MAP2K1: variants seen among roughly 807,000 people sequenced by gnomAD.
MAP2K1 encodes dual specificity mitogen-activated protein kinase kinase 1.
In MAP2K1, 16 loss-of-function variants were observed where a neutral mutation model predicts 46.3. The ratio of observed to expected loss-of-function variants is 0.35; its 90% CI spans 0.23 to 0.52. The LOEUF (loss-of-function observed/expected upper bound fraction) is 0.52, where lower values mean the gene tolerates loss of function less well. MAP2K1 is among the 20% of genes least tolerant of loss of function. The pLI, the probability that MAP2K1 is intolerant of heterozygous loss-of-function variation, is 0.94. For missense variants in MAP2K1, 263 were observed against 497.1 expected (o/e 0.53, Z 4.48); for synonymous variants, 183 against 185.6 (o/e 0.99, Z 0.11).
At chr15:66,436,070 A>C (rs2093487320) in intron 2 of MAP2K1, among the ~76,000 whole-genome samples, 1 of 151,846 alleles carries the variant, frequency 6.6e-6, no homozygotes, top group South Asian at 2.1e-4. Context: ...TGTGCCCATA[A>C]TTTTTTTGTG....
At chr15:66,422,477 G>T (rs953011704) in intron 1 of MAP2K1, among the ~76,000 whole-genome samples, 1 of 152,176 alleles carries the variant, frequency 6.6e-6, no homozygotes, top group Non-Finnish European at 1.5e-5. Context: ...AACTACATGG[G>T]ATTGAGTGGA....
chr15:66,391,433 C>T lies in MAP2K1; in HGVS notation c.80+4006C>T, dbSNP rs983821919. Among the ~76,000 whole-genome samples the T allele has an allele frequency of 7.2e-5, 11 of 152,262 alleles. No individual in the cohort carries two copies. The East Asian group carries it at 1.5e-3, about 21-fold the overall frequency. ...CCTCCCAAGTAGCTGGGACTACAGG[C>T]GCCCACCACTGCGTCCAGCTAATTT... On this transcript the variant is annotated intron_variant, in intron 1 of 10. Coordinates refer to ENST00000307102, the MANE Select transcript of MAP2K1 (RefSeq NM_002755.4).
At chr15:66,432,554 G>A (rs1369140937) in intron 1 of MAP2K1, among the ~76,000 whole-genome samples, 1 of 152,222 alleles carries the variant, frequency 6.6e-6, no homozygotes, top group Non-Finnish European at 1.5e-5. Context: ...ATGTGCAGGG[G>A]AGACAGGATT....
At chr15:66,409,404 A>T (rs931268170) in intron 1 of MAP2K1, among the ~76,000 whole-genome samples, 1 of 152,108 alleles carries the variant, frequency 6.6e-6, no homozygotes, top group African/African-American at 2.4e-5. Context: ...TTTGGGCCGG[A>T]TGGATCTGGG....
In MAP2K1 at chr15:66,462,496, C is replaced by CAAAA. The variant is rs551065737; in HGVS notation, c.568+17806_568+17809dup. On this transcript the variant is annotated intron_variant, in intron 5 of 10. Coordinates refer to ENST00000307102, the MANE Select transcript of MAP2K1 (RefSeq NM_002755.4). ...TGGGCGACAGAGCAAGACTCTGTCT[C>CAAAA]AAAAAAAAAAAAAAAAAAAAGATTG... Among the ~76,000 whole-genome samples the CAAAA allele has an allele frequency of 7.3e-4, 53 of 72,842 alleles. 3 individuals carry two copies. In the South Asian group the frequency reaches 0.024, roughly 32 times the overall value. The allele number at this position is 72,842 out of a possible 152,430, so 47.8% of individuals were successfully genotyped here.
intron 10 of MAP2K1, 91 bp from the exon 11 acceptor site, chr15:66,490,411 C>G (rs1402749359): frequency 2.1e-6 from 2 of 948,380 alleles, no homozygotes; most frequent in Non-Finnish European, 3.5e-6. Context: ...AGCACAAGCT[C>G]TAGACCTGAA....
chr15:66,490,071 C>T, intron 10 of MAP2K1: 1 of 545,496 alleles, frequency 1.8e-6, no homozygotes, highest in East Asian at 3.2e-5. Flanking sequence ...ACTGCCTCAT[C>T]TTACATTCAG....
chr15:66,477,934 C>T (rs1409590945), intron 5 of MAP2K1, among the ~76,000 whole-genome samples: 1 of 152,080 alleles, frequency 6.6e-6, no homozygotes, highest in Admixed American at 6.6e-5. Context: ...TACCCAACAC[C>T]GGTCCTCTGA....
At chr15:66,467,354 A>G (rs954986496) in intron 5 of MAP2K1, among the ~76,000 whole-genome samples, 1 of 152,224 alleles carries the variant, frequency 6.6e-6, no homozygotes, top group Non-Finnish European at 1.5e-5. Flanking sequence ...ATTCCTGGGC[A>G]TAGACAGAAC....
rs2093472114 is a variant in MAP2K1 at position 66,430,316 on chromosome 15, G to A, written c.81-4711G>A. 1.3e-5 allele frequency among the ~76,000 whole-genome samples: 2 copies of A among 152,070 alleles called. 1 individual carries two copies. Among genetic ancestry groups the A allele is most frequent in the East Asian group, 3.9e-4 (2 of 5,180 alleles). On this transcript the variant is annotated intron_variant, in intron 1 of 10. Transcript: ENST00000307102. ...CTCTGGTAAGAACACCCACCTGCAC[G>A]GGGACCCTTCCTCTCCTTCCTACAG...
chr15:66,429,473 T>C (rs540154377), intron 1 of MAP2K1, among the ~76,000 whole-genome samples: 1 of 152,296 alleles, frequency 6.6e-6, no homozygotes. Flanking sequence ...CCATATCATA[T>C]AGTACATACT....
intron 1 of MAP2K1, among the ~76,000 whole-genome samples, chr15:66,403,628 A>T (rs1275286885): frequency 6.6e-6 from 1 of 152,216 alleles, no homozygotes; most frequent in Non-Finnish European, 1.5e-5. Flanking sequence ...TTGAGTGCAT[A>T]ATCCACGTGG....
At chr15:66,428,229 A>G (rs138892115) in intron 1 of MAP2K1, among the ~76,000 whole-genome samples, 193 of 150,118 alleles carry the variant, frequency 1.3e-3, no homozygotes, top group African/African-American at 4.6e-3. Flanking sequence ...CTCCTTCCCT[A>G]TATTAGGGTT....
chr15:66,424,910 GCCT>G (rs893031402), intron 1 of MAP2K1, among the ~76,000 whole-genome samples: 15 of 144,260 alleles, frequency 1.0e-4, no homozygotes, highest in African/African-American at 3.8e-4. Flanking sequence ...CGATTCTCCC[GCCT>G]CAGCCTCCCG....
chr15:66,480,113 G>C (rs957094591), intron 5 of MAP2K1, among the ~76,000 whole-genome samples: 1 of 150,412 alleles, frequency 6.6e-6, no homozygotes, highest in Non-Finnish European at 1.5e-5. Flanking sequence ...TTTTGAGATG[G>C]AGTCTGGCTC....
intron 1 of MAP2K1, among the ~76,000 whole-genome samples, chr15:66,424,067 T>TA (rs1055158211): frequency 3.3e-5 from 5 of 150,392 alleles, no homozygotes; most frequent in Non-Finnish European, 5.9e-5. Context: ...CTTGTGCATT[T>TA]TTTTTTTGAG....
intron 5 of MAP2K1, among the ~76,000 whole-genome samples, chr15:66,448,718 T>A (rs1891945340): frequency 6.6e-6 from 1 of 152,050 alleles, no homozygotes; most frequent in Non-Finnish European, 1.5e-5. Flanking sequence ...AACTAGAGAC[T>A]ATTGGCTGGG....
At chr15:66,392,254 G>GTTTTTTTTTTTTTTTTTT (rs374203054) in intron 1 of MAP2K1, among the ~76,000 whole-genome samples, 10 of 79,666 alleles carry the variant, frequency 1.3e-4, no homozygotes, top group South Asian at 6.1e-4. Flanking sequence ...GTTTTTTTTG[G>GTTTTTTTTTTTTTTTTTT]GTTTTTTTTT....
rs2140511815 is a variant in MAP2K1 at position 66,387,445 on chromosome 15, G to A, written c.80+18G>A. ...TCTGCGGAGTAAGTATGGGGCGGGC[G>A]GTGAACCTCGGGGCCCGGCTGGGGA... On this transcript the variant is annotated intron_variant, in intron 1 of 10. Coordinates refer to ENST00000307102, the MANE Select transcript of MAP2K1 (RefSeq NM_002755.4). The A allele has an allele frequency of 6.4e-7, 1 of 1,551,452 alleles. No homozygotes were observed. The highest frequency in any genetic ancestry group is 8.7e-7 in the Non-Finnish European group (1 of 1,146,808).
Sources: allele counts gnomAD v4.1 joint callset (sites outside exome capture counted in the v4.1 genomes callset), GRCh38; gene constraint gnomAD v4.1.1; transcripts MANE v1.5; gene names NCBI Gene and HGNC (gene_info 2026-07-23, HGNC 2026-07-21).